Variants in TNPO3 observed in about 807,000 individuals in gnomAD.
TNPO3 encodes transportin 3.
Under a neutral mutation model 122.8 loss-of-function variants are expected in TNPO3, and 65 were observed. That is an observed-to-expected ratio of 0.53 (90% confidence interval 0.43 to 0.65). The LOEUF (loss-of-function observed/expected upper bound fraction) is 0.65. Among genes scored for constraint, TNPO3 ranks in the 30% least tolerant of loss-of-function variants. TNPO3 has a pLI of 0.00. For missense variants in TNPO3, 850 were observed against 1,136.7 expected (o/e 0.75, Z 3.63); for synonymous variants, 372 against 411.2 (o/e 0.90, Z 1.15).
intron 21 of TNPO3, among the ~76,000 whole-genome samples, chr7:128,960,297 CT>C (rs1349932397): frequency 1.3e-5 from 2 of 151,846 alleles, no homozygotes; most frequent in African/African-American, 4.8e-5. Flanking sequence ...CTATACTACA[CT>C]TTTTATCATT....
intron 21 of TNPO3, among the ~76,000 whole-genome samples, chr7:128,963,434 T>C (rs1159265370): frequency 6.6e-6 from 1 of 152,220 alleles, no homozygotes; most frequent in Admixed American, 6.5e-5. Context: ...CTGAAACAGC[T>C]TGTAGACAGA....
chr7:129,027,558 C>CAAAAA lies in TNPO3; in HGVS notation c.121-9406_121-9402dup, dbSNP rs71162549. The stretch of plus-strand genomic sequence containing the variant: ...CCTGGGCAACAGAGCAAGACTGTCT[C>CAAAAA]AAAAAAAAAAAAAAAAAAAAAAAAA... On this transcript the variant is annotated intron_variant, in intron 1 of 22. Transcript: ENST00000265388. Among the ~76,000 whole-genome samples, 39 of 8,946 alleles carry CAAAAA rather than the reference C, an allele frequency of 4.4e-3. 3 individuals are homozygous for CAAAAA. Among genetic ancestry groups the CAAAAA allele is most frequent in the South Asian group, 0.014 (1 of 70 alleles). 5.9% of individuals were successfully genotyped at this position (8,946 alleles called of 152,430 possible).
intron 7 of TNPO3, among the ~76,000 whole-genome samples, 176 bp from the exon 8 acceptor site, chr7:128,997,711 C>G (rs1292719506): frequency 6.6e-6 from 1 of 152,194 alleles, no homozygotes; most frequent in Non-Finnish European, 1.5e-5. Flanking sequence ...AAATTGTCTT[C>G]CCACGTTAGG....
At chr7:128,984,648 T>C (rs1263932471) in intron 12 of TNPO3, among the ~76,000 whole-genome samples, 1 of 152,184 alleles carries the variant, frequency 6.6e-6, no homozygotes, top group African/African-American at 2.4e-5. Flanking sequence ...GCAATTCTTA[T>C]CACAAGAGAA....
At chr7:129,026,261 A>G (rs1022182726) in intron 1 of TNPO3, among the ~76,000 whole-genome samples, 1 of 152,186 alleles carries the variant, frequency 6.6e-6, no homozygotes, top group African/African-American at 2.4e-5. Context: ...TGAAGGGCAG[A>G]AGCAAAAAAA....
At chr7:128,982,153 G>T in intron 14 of TNPO3, 95 bp downstream of exon 14, 1 of 1,038,562 alleles carries the variant, frequency 9.6e-7, no homozygotes, top group Non-Finnish European at 1.4e-6. Context: ...GGAGATACTT[G>T]GAAGTATGAG....
At chr7:129,003,034 C>A (rs574488381) in intron 5 of TNPO3, among the ~76,000 whole-genome samples, 4 of 88,770 alleles carry the variant, frequency 4.5e-5, no homozygotes, top group African/African-American at 1.5e-4. Flanking sequence ...AGCGAGACTC[C>A]CTCTCAAAAA....
chr7:128,982,202 T>C, intron 14 of TNPO3, 46 bp downstream of exon 14: 1 of 1,533,388 alleles, frequency 6.5e-7, no homozygotes, highest in Non-Finnish European at 9.0e-7. Flanking sequence ...AATGGTTTCA[T>C]TTGAGCCTTT....
Position 128,957,258 on chromosome 7 carries a change from T to C in TNPO3, c.2769A>G (p.Arg923=), listed in dbSNP as rs767822126. 2 of 1,614,056 alleles carry C rather than the reference T, an allele frequency of 1.2e-6. No homozygotes were observed. Among genetic ancestry groups the C allele is most frequent in the South Asian group, 1.1e-5 (1 of 91,078 alleles). ...WALRDFTRLF[R] ...AGGCACAGTGCAGGAGTGTGAGCTA[T>C]CGAAACAACCTGGTGAAGTCTCGCA... Residue 923 remains arginine (R), a synonymous_variant, in exon 22 of 23, where the codon CGA becomes CGG. Transcript: ENST00000265388.
intron 4 of TNPO3, among the ~76,000 whole-genome samples, chr7:129,008,026 G>C (rs1315924076): frequency 1.3e-5 from 2 of 152,106 alleles, no homozygotes; most frequent in East Asian, 3.9e-4. Flanking sequence ...GCACGCACCT[G>C]TAATCCCAGC....
At chr7:129,042,321 T>C (rs918572802) in intron 1 of TNPO3, among the ~76,000 whole-genome samples, 1 of 152,222 alleles carries the variant, frequency 6.6e-6, no homozygotes, top group Non-Finnish European at 1.5e-5. Context: ...AGATTTATAG[T>C]ATATTGGGGA....
chr7:128,967,829 A>C (rs1300118156), intron 20 of TNPO3, among the ~76,000 whole-genome samples: 1 of 152,080 alleles, frequency 6.6e-6, no homozygotes, highest in East Asian at 1.9e-4. Flanking sequence ...AGTGCACTGC[A>C]GCTTTGACCT....
intron 1 of TNPO3, among the ~76,000 whole-genome samples, chr7:129,035,955 T>TTTTC (rs1806612076): frequency 1.8e-5 from 1 of 54,208 alleles, no homozygotes; most frequent in Non-Finnish European, 5.1e-5. Context: ...CTTTTCTTTT[T>TTTTC]TTTTTTTTTT....
At chr7:128,980,551 G>C (rs1799524341) in intron 14 of TNPO3, among the ~76,000 whole-genome samples, 1 of 152,156 alleles carries the variant, frequency 6.6e-6, no homozygotes, top group South Asian at 2.1e-4. Flanking sequence ...TGGGAGGCTG[G>C]TGGTGGCACA....
rs1800917286 is a variant in TNPO3 at position 128,993,050 on chromosome 7, C to T, written c.1266+757G>A. On this transcript the variant is annotated intron_variant, in intron 9 of 22. Transcript: ENST00000265388. Reference sequence around the variant, plus strand: ...TAGATGGGTCAATAAGCATGCTTTGCTTAATATAATGAAAATAGTTATACT... The same window carrying T: ...TAGATGGGTCAATAAGCATGCTTTGTTTAATATAATGAAAATAGTTATACT... Among the ~76,000 whole-genome samples the T allele has an allele frequency of 2.0e-5, 3 of 150,674 alleles. No individual in the cohort carries two copies. The South Asian group carries it at 6.3e-4, about 32-fold the overall frequency.
chr7:129,001,636 C>T (rs912774277), intron 5 of TNPO3, among the ~76,000 whole-genome samples: 2 of 151,724 alleles, frequency 1.3e-5, no homozygotes, highest in Admixed American at 6.5e-5. Context: ...CAATTAGAGC[C>T]TCTTTCTTTC....
At chr7:129,056,097 G>T (rs1371363274), upstream of TNPO3, 18 of 1,118,970 alleles carry the variant, frequency 1.6e-5, no homozygotes, top group Non-Finnish European at 1.8e-5. Context: ...GGAGCTCATC[G>T]GCACTCAGAA....
intron 13 of TNPO3, among the ~76,000 whole-genome samples, chr7:128,982,622 A>G (rs766362749): frequency 3.3e-5 from 5 of 152,074 alleles, no homozygotes; most frequent in Non-Finnish European, 5.9e-5. Context: ...CTTAATTATT[A>G]TTATTACATA....
At chr7:129,013,885 C>T (rs1803515212) in intron 4 of TNPO3, among the ~76,000 whole-genome samples, 1 of 151,960 alleles carries the variant, frequency 6.6e-6, no homozygotes, top group Admixed American at 6.6e-5. Context: ...ACAAATATCA[C>T]ATGCTTTCAC....
Sources: gnomAD v4.1 joint callset for allele counts (sites outside exome capture counted in the v4.1 genomes callset) on GRCh38, gnomAD v4.1.1 for gene constraint, MANE v1.5 for transcripts, NCBI Gene and HGNC (gene_info 2026-07-23, HGNC 2026-07-21) for gene names.